IGSF5: variants seen among roughly 807,000 people sequenced by gnomAD.
The protein encoded by IGSF5 is immunoglobulin superfamily member 5, also known as immunoglobulin superfamily 5 like.
In IGSF5, 41 loss-of-function variants were observed where a neutral mutation model predicts 39.4. The observed-to-expected ratio is 1.04, with a 90% CI of 0.81 to 1.35. IGSF5 has a LOEUF of 1.35. IGSF5 is among the 40% of genes most tolerant of loss of function. The pLI is 0.00. For missense variants in IGSF5, 487 were observed against 494.6 expected (o/e 0.98, Z 0.15); for synonymous variants, 183 against 175.3 (o/e 1.04, Z -0.34).
intron 1 of IGSF5, among the ~76,000 whole-genome samples, chr21:39,745,853 C>G (rs180969200): frequency 2.2e-4 from 34 of 152,010 alleles, no homozygotes; most frequent in African/African-American, 6.8e-4. Context: ...GTATAGCAAG[C>G]GAAAGTGGTC....
intron 4 of IGSF5, 93 bp downstream of exon 4, chr21:39,771,308 AATC>A: frequency 8.1e-7 from 1 of 1,233,130 alleles, no homozygotes; most frequent in Non-Finnish European, 1.1e-6. Flanking sequence ...TGCCTGGAAA[AATC>A]ATATGGCGAC....
At position 39,798,275 on chromosome 21, in the gene IGSF5, C is replaced by T. The variant is rs2087008820; in HGVS notation, c.1129-2987C>T. ...TCCCCAAGCACCAATCTGCCTCCTC[C>T]ATAACTTCACCCTGCACGATGGGTA... On this transcript the variant is annotated intron_variant, in intron 8 of 8. Coordinates refer to ENST00000380588, the MANE Select transcript of IGSF5 (RefSeq NM_001080444.2). Among the ~76,000 whole-genome samples, 5 of 152,194 alleles carry T rather than the reference C, an allele frequency of 3.3e-5. No homozygotes were observed. The South Asian group carries it at 1.0e-3, about 31-fold the overall frequency.
intron 2 of IGSF5, among the ~76,000 whole-genome samples, chr21:39,761,760 C>G (rs2080062686): frequency 1.3e-5 from 2 of 152,190 alleles, no homozygotes; most frequent in African/African-American, 2.4e-5. Flanking sequence ...ACTCAACTTC[C>G]TGGCCTTAAG....
the IGSF5 span, among the ~76,000 whole-genome samples, chr21:39,711,812 C>T: frequency 2.1e-3 from 316 of 152,274 alleles, no homozygotes; most frequent in African/African-American, 6.9e-3. Flanking sequence ...AGATTACAGG[C>T]GTGAGCCACT....
chr21:39,729,821 A>G, the IGSF5 span: 3 of 152,234 alleles, frequency 2.0e-5, no homozygotes, highest in Non-Finnish European at 4.4e-5. Context: ...AAAGATCCCA[A>G]CAACCACTGA....
At chr21:39,729,284 A>T in the IGSF5 span, 2 of 152,250 alleles carry the variant, frequency 1.3e-5, no homozygotes, top group African/African-American at 4.8e-5. Flanking sequence ...AGAGAAGAAC[A>T]GAATTCTCTT....
chr21:39,783,737 G>A (rs1419818992), intron 5 of IGSF5, among the ~76,000 whole-genome samples: 1 of 152,032 alleles, frequency 6.6e-6, no homozygotes, highest in South Asian at 2.1e-4. Context: ...AGTCCCATTT[G>A]TCTATTTTTA....
At chr21:39,762,511 G>T (rs1276574603) in intron 2 of IGSF5, among the ~76,000 whole-genome samples, 1 of 152,154 alleles carries the variant, frequency 6.6e-6, no homozygotes, top group Non-Finnish European at 1.5e-5. Flanking sequence ...TTATGCAGAG[G>T]AAGTCTCCAG....
At chr21:39,757,072 C>T (rs1176945178) in intron 2 of IGSF5, among the ~76,000 whole-genome samples, 1 of 150,818 alleles carries the variant, frequency 6.6e-6, no homozygotes, top group East Asian at 2.0e-4. Flanking sequence ...CCTGCTCTTT[C>T]CTCTGCTGGG....
At chr21:39,765,466 G>T in intron 2 of IGSF5, 69 bp from the exon 3 acceptor site, 3 of 1,434,742 alleles carry the variant, frequency 2.1e-6, no homozygotes, top group South Asian at 2.4e-5. Flanking sequence ...AATACAGAAA[G>T]GTTACAGCAC....
chr21:39,714,957 G>A, the IGSF5 span, among the ~76,000 whole-genome samples: 5 of 152,228 alleles, frequency 3.3e-5, no homozygotes, highest in African/African-American at 1.2e-4. Context: ...GGTGGATGGG[G>A]AAGCACCCAC....
rs11385437 is a variant in IGSF5 at position 39,797,218 on chromosome 21, C to CTTT, written c.1128+3621_1128+3623dup. On this transcript the variant is annotated intron_variant, in intron 8 of 8. Coordinates refer to ENST00000380588, the MANE Select transcript of IGSF5 (RefSeq NM_001080444.2). Reference sequence around the variant, plus strand: ...TGTGCAGATAGACAAAGCTCCTTTGCTTTTTTTTTTTTTTTTTTGAGATGG... The same window carrying CTTT: ...TGTGCAGATAGACAAAGCTCCTTTGCTTTTTTTTTTTTTTTTTTTTTGAGATGG... 5.3e-3 allele frequency among the ~76,000 whole-genome samples: 650 copies of CTTT among 123,738 alleles called. 26 individuals are homozygous for CTTT. Among genetic ancestry groups the CTTT allele is most frequent in the African/African-American group, 0.017 (547 of 32,230 alleles). 81.2% of individuals were successfully genotyped at this position (123,738 alleles called of 152,430 possible). A position where few individuals can be genotyped will look rare whatever the true frequency, so the allele number is the denominator to read the frequency against.
At chr21:39,735,278 CTTTTCCTAAT>C in the IGSF5 span, among the ~76,000 whole-genome samples, 1 of 152,234 alleles carries the variant, frequency 6.6e-6, no homozygotes, top group East Asian at 1.9e-4. Context: ...TTTTTGCTTT[CTTTTCCTAAT>C]TTTTCTATAA....
the IGSF5 span, among the ~76,000 whole-genome samples, chr21:39,739,951 A>G: frequency 6.6e-6 from 1 of 152,152 alleles, no homozygotes; most frequent in Admixed American, 6.5e-5. Context: ...TCTGCTTGAG[A>G]GTTTTGAAAA....
chr21:39,727,186 T>A, the IGSF5 span, among the ~76,000 whole-genome samples: 1 of 152,218 alleles, frequency 6.6e-6, no homozygotes, highest in Admixed American at 6.5e-5. Flanking sequence ...TTCCTATCCC[T>A]GAGAACTTAT....
chr21:39,713,831 A>G, the IGSF5 span, among the ~76,000 whole-genome samples: 1 of 152,186 alleles, frequency 6.6e-6, no homozygotes, highest in South Asian at 2.1e-4. Context: ...CCTTACAAAC[A>G]TACTGATCTA....
intron 2 of IGSF5, among the ~76,000 whole-genome samples, chr21:39,747,869 G>A (rs2079983611): frequency 1.3e-5 from 2 of 151,894 alleles, no homozygotes; most frequent in Non-Finnish European, 2.9e-5. Context: ...CCAAGGACAA[G>A]GCAACTCTGG....
chr21:39,722,138 T>C, the IGSF5 span, among the ~76,000 whole-genome samples: 1 of 152,144 alleles, frequency 6.6e-6, no homozygotes, highest in East Asian at 1.9e-4. Flanking sequence ...GTTGTAAAGA[T>C]ATGTTTTTAG....
At chr21:39,756,754 A>C (rs1003126428) in intron 2 of IGSF5, among the ~76,000 whole-genome samples, 1 of 152,066 alleles carries the variant, frequency 6.6e-6, no homozygotes, top group Non-Finnish European at 1.5e-5. Context: ...TTCCAGGAGG[A>C]TACATCAGTA....
Sources: gnomAD v4.1 joint callset for allele counts (sites outside exome capture counted in the v4.1 genomes callset) on GRCh38, gnomAD v4.1.1 for gene constraint, MANE v1.5 for transcripts, NCBI Gene and HGNC (gene_info 2026-07-23, HGNC 2026-07-21) for gene names.